Variants in CNTNAP4 observed in about 807,000 individuals in gnomAD.
The protein encoded by CNTNAP4 is contactin associated protein family member 4.
CNTNAP4 carries 98 observed loss-of-function variants against 148.4 expected under a neutral mutation model. That is an observed-to-expected ratio of 0.66 (90% CI 0.56 to 0.78). The LOEUF (loss-of-function observed/expected upper bound fraction) is 0.78. Ranked by LOEUF, CNTNAP4 falls within the 30% of genes least tolerant of loss-of-function variation. The probability of loss-of-function intolerance (pLI) is 0.00; values close to 1 mark genes in which losing one functional copy is unlikely to be tolerated. For synonymous variants in CNTNAP4, 730 were observed against 565.1 expected (o/e 1.29, Z -4.14); for missense variants, 1,935 against 1,565.6 (o/e 1.24, Z -3.98).
intron 3 of CNTNAP4, among the ~76,000 whole-genome samples, chr16:76,355,837 GTCTTT>G (rs2012539960): frequency 6.9e-6 from 1 of 145,020 alleles, no homozygotes; most frequent in Non-Finnish European, 1.5e-5. Flanking sequence ...GTCTTGCATT[GTCTTT>G]TATTTATTTA....
At chr16:76,285,116 A>G (rs1958828710) in intron 1 of CNTNAP4, among the ~76,000 whole-genome samples, 1 of 152,002 alleles carries the variant, frequency 6.6e-6, no homozygotes, top group South Asian at 2.1e-4. Context: ...CAGTTTGCCC[A>G]TGGAACATTG....
chr16:76,460,773 A>AAAAAAAATATATATATATAT, intron 8 of CNTNAP4, among the ~76,000 whole-genome samples: 5 of 57,278 alleles, frequency 8.7e-5, no homozygotes, highest in Non-Finnish European at 1.3e-4. Flanking sequence ...AAAAAAAAAA[A>AAAAAAAATATATATATATAT]ATATATATAT....
rs796712229 is a variant in CNTNAP4, at chr16:76,467,449, T to C, written c.1581T>C (p.Asp527=). 10 of 1,613,880 alleles carry C rather than the reference T, an allele frequency of 6.2e-6. 1 individual carries two copies. In the African/African-American group the frequency reaches 1.1e-4, roughly 17 times the overall value. The change falls in exon 10 of 24, where the codon GAT becomes GAC. Residue 527 remains aspartate, a synonymous_variant. Transcript: ENST00000611870. ...TTTCTATCAGCGGCAAAGTGGTAGA[T>C]CTGATTTCAGTTCAGCAGGGGTCCC... ...RLISISGKVV[D]LISVQQGSLG...
intron 2 of CNTNAP4, among the ~76,000 whole-genome samples, chr16:76,339,924 C>T (rs757258828): frequency 6.6e-6 from 1 of 152,128 alleles, no homozygotes; most frequent in Non-Finnish European, 1.5e-5. Flanking sequence ...CAAGCTAAAT[C>T]ATGGGAAAGT....
chr16:76,413,074 C>G (rs182275130), intron 3 of CNTNAP4, among the ~76,000 whole-genome samples: 20 of 151,456 alleles, frequency 1.3e-4, no homozygotes, highest in African/African-American at 3.4e-4. Flanking sequence ...ATGGGGTTAT[C>G]CATTCCCTCA....
chr16:76,446,368 C>A (rs2080245307), intron 4 of CNTNAP4, among the ~76,000 whole-genome samples: 1 of 152,116 alleles, frequency 6.6e-6, no homozygotes, highest in Non-Finnish European at 1.5e-5. Flanking sequence ...CATAAGTGCA[C>A]TCTCAAGGGT....
chr16:76,366,329 T>C (rs2144590226), intron 3 of CNTNAP4, among the ~76,000 whole-genome samples: 1 of 152,268 alleles, frequency 6.6e-6, no homozygotes, highest in Admixed American at 6.5e-5. Flanking sequence ...TTCCCTTCCT[T>C]GTGTTTATGA....
At chr16:76,374,221 G>A (rs575465468) in intron 3 of CNTNAP4, among the ~76,000 whole-genome samples, 4 of 152,128 alleles carry the variant, frequency 2.6e-5, no homozygotes, top group Admixed American at 2.6e-4. Context: ...TCCTCAGGGG[G>A]CAATCACTTT....
intron 4 of CNTNAP4, 31 bp from the exon 5 acceptor site, chr16:76,447,981 T>C: frequency 1.3e-6 from 2 of 1,485,428 alleles, no homozygotes; most frequent in Non-Finnish European, 1.9e-6. Context: ...ATATTTATCC[T>C]TAGAATGCCT....
In CNTNAP4 at chr16:76,289,384, T is replaced by C. The variant is rs944399822; in HGVS notation, c.85+11637T>C. Among the ~76,000 whole-genome samples, 9 of 152,316 alleles carry C rather than the reference T, an allele frequency of 5.9e-5. No homozygotes were observed. In the South Asian group the frequency reaches 1.9e-3, roughly 32 times the overall value. ...ATTTTCTCTTTAAAGACTTTTCTCA[T>C]TCACATAGGGTAGAAGAAAAATAAA... On this transcript the variant is annotated intron_variant, in intron 1 of 23. Coordinates refer to ENST00000611870, the MANE Select transcript of CNTNAP4 (RefSeq NM_033401.5).
intron 2 of CNTNAP4, among the ~76,000 whole-genome samples, chr16:76,347,185 A>C (rs1567796330): frequency 6.6e-6 from 1 of 150,976 alleles, no homozygotes; most frequent in East Asian, 1.9e-4. Flanking sequence ...TGAGTGCTTA[A>C]ACTTCTGTTT....
chr16:76,298,412 G>A (rs985844497), intron 1 of CNTNAP4, among the ~76,000 whole-genome samples: 1 of 152,056 alleles, frequency 6.6e-6, no homozygotes, highest in Non-Finnish European at 1.5e-5. Flanking sequence ...AGAATTAACA[G>A]TCTAGCTTTT....
intron 14 of CNTNAP4, among the ~76,000 whole-genome samples, chr16:76,495,518 A>G (rs1268175400): frequency 6.6e-6 from 1 of 152,058 alleles, no homozygotes; most frequent in Non-Finnish European, 1.5e-5. Flanking sequence ...ACCACAAAGA[A>G]CTAATGTTCT....
At chr16:76,531,110 G>A (rs1325025658) in intron 17 of CNTNAP4, among the ~76,000 whole-genome samples, 2 of 152,164 alleles carry the variant, frequency 1.3e-5, no homozygotes, top group South Asian at 2.1e-4. Flanking sequence ...AGAAGGTTGA[G>A]GATCTTGATT....
At chr16:76,300,538 A>T (rs150799787) in intron 1 of CNTNAP4, among the ~76,000 whole-genome samples, 1 of 152,202 alleles carries the variant, frequency 6.6e-6, no homozygotes, top group South Asian at 2.1e-4. Context: ...CCCAGAACTT[A>T]AAGTATAATC....
chr16:76,373,323 A>G lies in CNTNAP4; in HGVS notation c.390+17812A>G, dbSNP rs868504980. On this transcript the variant is annotated intron_variant, in intron 3 of 23. Coordinates refer to ENST00000611870, the MANE Select transcript of CNTNAP4 (RefSeq NM_033401.5). ...TATATTCCACATAAATATGTGGAGT[A>G]TATTTCACAAAAATATGTAAAAGAA... 1.1e-4 allele frequency among the ~76,000 whole-genome samples: 17 copies of G among 152,216 alleles called. 3 individuals carry two copies. The highest frequency in any genetic ancestry group is 2.1e-4 in the Non-Finnish European group (14 of 68,004).
intron 13 of CNTNAP4, among the ~76,000 whole-genome samples, chr16:76,491,505 C>T (rs1378283433): frequency 2.0e-5 from 3 of 152,174 alleles, no homozygotes; most frequent in African/African-American, 7.2e-5. Flanking sequence ...ATGGCATGAG[C>T]CCCCCTCATT....
chr16:76,396,331 C>A (rs767168035), intron 3 of CNTNAP4, among the ~76,000 whole-genome samples: 10 of 152,284 alleles, frequency 6.6e-5, no homozygotes, highest in South Asian at 2.1e-4. Context: ...AGAAACACAC[C>A]TATAGGCACA....
intron 3 of CNTNAP4, among the ~76,000 whole-genome samples, chr16:76,426,178 A>G (rs1193474126): frequency 1.3e-5 from 2 of 152,202 alleles, no homozygotes; most frequent in Non-Finnish European, 2.9e-5. Flanking sequence ...AGGAGAATCA[A>G]ATTAATTTAA....
Sources: gnomAD v4.1 joint callset for allele counts (sites outside exome capture counted in the v4.1 genomes callset) on GRCh38, gnomAD v4.1.1 for gene constraint, MANE v1.5 for transcripts, NCBI Gene and HGNC (gene_info 2026-07-23, HGNC 2026-07-21) for gene names.